Variants in ERP44 observed in about 807,000 individuals in gnomAD.
ERP44 encodes endoplasmic reticulum resident protein 44.
ERP44 carries 25 observed loss-of-function variants against 53.4 expected under a neutral mutation model. The ratio of observed to expected loss-of-function variants is 0.47; its 90% CI spans 0.34 to 0.65. The LOEUF (loss-of-function observed/expected upper bound fraction) is 0.65, where lower values mean the gene tolerates loss of function less well. Among genes scored for constraint, ERP44 ranks in the 30% least tolerant of loss-of-function variants. The probability of loss-of-function intolerance (pLI) is 0.01; values close to 1 mark genes in which losing one functional copy is unlikely to be tolerated. For missense variants in ERP44, 338 were observed against 493.2 expected, an observed-to-expected ratio of 0.69 and a Z score of 2.98; for synonymous variants, 145 against 161.2, an observed-to-expected ratio of 0.90 and a Z score of 0.76.
chr9:100,072,218 A>G (rs567281038), intron 1 of ERP44, among the ~76,000 whole-genome samples: 65 of 152,252 alleles, frequency 4.3e-4, no homozygotes, highest in African/African-American at 1.4e-3. Context: ...TTACTACCAC[A>G]TAGTAGTTCA....
intron 1 of ERP44, among the ~76,000 whole-genome samples, chr9:100,076,516 G>A (rs1283871274): frequency 3.3e-5 from 5 of 152,194 alleles, no homozygotes; most frequent in Admixed American, 1.3e-4. Context: ...TAGGATATCC[G>A]TAAAGGACAG....
chr9:100,057,563 C>A (rs1353686783), intron 3 of ERP44, among the ~76,000 whole-genome samples: 2 of 152,028 alleles, frequency 1.3e-5, no homozygotes, highest in South Asian at 2.1e-4. Context: ...CCCTTTGAGT[C>A]GGGGGTGGAG....
intron 10 of ERP44, among the ~76,000 whole-genome samples, chr9:100,001,924 T>C (rs1457523230): frequency 6.6e-6 from 1 of 152,200 alleles, no homozygotes. Flanking sequence ...CCTTTGTGAT[T>C]AGGTGATTTT....
rs138314284 is a variant in ERP44 at position 100,030,982 on chromosome 9, T to G, written c.287-8756A>C. Among the ~76,000 whole-genome samples, 169 of 152,306 alleles carry G rather than the reference T, an allele frequency of 1.1e-3. 1 individual carries two copies. The East Asian group carries it at 0.026, about 23-fold the overall frequency. Reference sequence around the variant, plus strand: ...TGACAGGGCCCATCTGAGGGCAAGTTTGAACCTTGCCAATTCCATATTGCA... The same window carrying G: ...TGACAGGGCCCATCTGAGGGCAAGTGTGAACCTTGCCAATTCCATATTGCA... On this transcript the variant is annotated intron_variant, in intron 4 of 11. Coordinates refer to ENST00000262455, the MANE Select transcript of ERP44 (RefSeq NM_015051.3).
At chr9:100,085,542 T>C (rs1359570914) in intron 1 of ERP44, among the ~76,000 whole-genome samples, 1 of 152,250 alleles carries the variant, frequency 6.6e-6, no homozygotes, top group Admixed American at 6.5e-5. Flanking sequence ...AGAACTATGA[T>C]AACTATGGTG....
chr9:99,994,769 A>G (rs1027927436), intron 10 of ERP44, among the ~76,000 whole-genome samples: 1 of 152,140 alleles, frequency 6.6e-6, no homozygotes, highest in African/African-American at 2.4e-5. Context: ...CCTTAGATTT[A>G]TATTGTGTCT....
At chr9:99,993,592 A>C (rs2118610763) in intron 10 of ERP44, among the ~76,000 whole-genome samples, 1 of 152,368 alleles carries the variant, frequency 6.6e-6, no homozygotes, top group East Asian at 1.9e-4. Flanking sequence ...CATTCAGGAC[A>C]TAGGCATGGG....
intron 4 of ERP44, among the ~76,000 whole-genome samples, chr9:100,044,503 G>C (rs1227649113): frequency 1.3e-5 from 2 of 151,776 alleles, no homozygotes; most frequent in African/African-American, 4.8e-5. Flanking sequence ...CAACCACACA[G>C]AGAACTGTGG....
intron 3 of ERP44, 87 bp from the exon 4 acceptor site, chr9:100,052,619 A>C: frequency 1.9e-5 from 11 of 576,284 alleles, no homozygotes; most frequent in Non-Finnish European, 3.4e-5. Context: ...CATTTGATAT[A>C]GGCATAATAA....
intron 1 of ERP44, among the ~76,000 whole-genome samples, chr9:100,094,363 A>G (rs1826598176): frequency 6.6e-6 from 1 of 152,190 alleles, no homozygotes; most frequent in South Asian, 2.1e-4. Flanking sequence ...AAAGTTTTTA[A>G]AAAAGTATTC....
intron 10 of ERP44, 37 bp downstream of exon 10, chr9:100,006,469 A>AT (rs1475965180): frequency 6.9e-7 from 1 of 1,459,022 alleles, no homozygotes; most frequent in Non-Finnish European, 9.5e-7. Flanking sequence ...TTTGAAAAAC[A>AT]TATCAGTAAT....
intron 4 of ERP44, among the ~76,000 whole-genome samples, chr9:100,024,252 C>T (rs1830627861): frequency 6.6e-6 from 1 of 151,100 alleles, no homozygotes; most frequent in African/African-American, 2.4e-5. Flanking sequence ...AGTATGGTAC[C>T]CATATAATGA....
intron 1 of ERP44, among the ~76,000 whole-genome samples, chr9:100,065,550 T>C (rs957888706): frequency 1.3e-5 from 2 of 152,188 alleles, no homozygotes; most frequent in Non-Finnish European, 2.9e-5. Flanking sequence ...CATTTAACAA[T>C]GTATACATAT....
At chr9:100,035,537 T>C (rs1825840993) in intron 4 of ERP44, among the ~76,000 whole-genome samples, 1 of 152,026 alleles carries the variant, frequency 6.6e-6, no homozygotes, top group Non-Finnish European at 1.5e-5. Flanking sequence ...TAGCCCGGCA[T>C]GGTGGCATGT....
intron 4 of ERP44, among the ~76,000 whole-genome samples, chr9:100,028,726 TG>T (rs749402135): frequency 3.3e-5 from 5 of 152,228 alleles, no homozygotes; most frequent in Non-Finnish European, 5.9e-5. Context: ...ACTTGCAGAA[TG>T]GGTTTTAGCA....
intron 4 of ERP44, among the ~76,000 whole-genome samples, chr9:100,050,648 A>G (rs1826027285): frequency 6.6e-6 from 1 of 152,242 alleles, no homozygotes; most frequent in South Asian, 2.1e-4. Context: ...TCTTTAAAAG[A>G]ATTACATAGA....
At chr9:100,092,121 T>C (rs1564107768) in intron 1 of ERP44, among the ~76,000 whole-genome samples, 1 of 152,270 alleles carries the variant, frequency 6.6e-6, no homozygotes, top group African/African-American at 2.4e-5. Flanking sequence ...ATTAAGTTTC[T>C]GCAGCCTGGG....
At chr9:100,037,584 C>T (rs867192640) in intron 4 of ERP44, among the ~76,000 whole-genome samples, 1 of 152,096 alleles carries the variant, frequency 6.6e-6, no homozygotes, top group South Asian at 2.1e-4. Flanking sequence ...AAAAGAGACC[C>T]CTTCCTTCTG....
chr9:100,057,960 T>G lies in ERP44; in HGVS notation c.131-101A>C, dbSNP rs938304534. The G allele has an allele frequency of 5.4e-5, 47 of 868,756 alleles. No homozygotes were observed. The African/African-American group carries it at 8.2e-4, about 15-fold the overall frequency. The allele number at this position is 868,756 out of a possible 1,614,324, so 53.8% of individuals were successfully genotyped here. On this transcript the variant is annotated intron_variant, in intron 2 of 11. Coordinates refer to ENST00000262455, the MANE Select transcript of ERP44 (RefSeq NM_015051.3). ...TCTTTGTCCAATATAAGGGTCCACT[T>G]AAAAAAACACAGTAACTATTATCTC...
Sources: gnomAD v4.1 joint callset for allele counts (sites outside exome capture counted in the v4.1 genomes callset) on GRCh38, gnomAD v4.1.1 for gene constraint, MANE v1.5 for transcripts, NCBI Gene and HGNC (gene_info 2026-07-23, HGNC 2026-07-21) for gene names.